KIF6: variants seen among roughly 807,000 people sequenced by gnomAD.
KIF6 encodes kinesin-like protein KIF6.
A neutral mutation model predicts 112.7 loss-of-function variants in KIF6; 106 were observed. The observed-to-expected ratio is 0.94, with a 90% CI of 0.80 to 1.11. The LOEUF is 1.11. Among genes scored for constraint, KIF6 ranks in the 50% least tolerant of loss-of-function variants. The pLI is 0.00. For missense variants in KIF6, 929 were observed against 964.0 expected (o/e 0.96, Z 0.48); for synonymous variants, 339 against 339.9 (o/e 1.00, Z 0.03).
intron 13 of KIF6, among the ~76,000 whole-genome samples, chr6:39,458,050 T>C (rs1034520480): frequency 1.3e-3 from 191 of 151,830 alleles, no homozygotes; most frequent in African/African-American, 4.1e-3. Context: ...ATACCAAAGC[T>C]GGGCAGAGAC....
intron 10 of KIF6, among the ~76,000 whole-genome samples, chr6:39,566,261 T>C (rs1780268764): frequency 6.6e-6 from 1 of 152,226 alleles, no homozygotes; most frequent in Non-Finnish European, 1.5e-5. Flanking sequence ...TCCACTTATA[T>C]ATATTACATC....
rs748241265 is a variant in KIF6, at chr6:39,540,240, A to G, written c.1427-19T>C. ...AGGATATCTGAAACTTGACTTAAGGATTTAATGCCTGATGCTAGCTTATAG... is the reference window on the plus strand; with the variant it reads ...AGGATATCTGAAACTTGACTTAAGGGTTTAATGCCTGATGCTAGCTTATAG... On this transcript the variant is annotated intron_variant, in intron 12 of 22. Coordinates refer to ENST00000287152, the MANE Select transcript of KIF6 (RefSeq NM_145027.6). 3 of 1,471,846 alleles carry G rather than the reference A, an allele frequency of 2.0e-6. No homozygotes were observed. The South Asian group carries it at 3.5e-5, about 17-fold the overall frequency. 91.2% of individuals were successfully genotyped at this position (1,471,846 alleles called of 1,614,324 possible).
intron 5 of KIF6, among the ~76,000 whole-genome samples, chr6:39,634,485 C>A (rs1383423685): frequency 1.3e-5 from 2 of 152,030 alleles, no homozygotes; most frequent in Non-Finnish European, 2.9e-5. Context: ...AATTTGAATA[C>A]CTTCTTCTCA....
At chr6:39,362,783 C>G (rs1246565776) in intron 16 of KIF6, among the ~76,000 whole-genome samples, 2 of 152,178 alleles carry the variant, frequency 1.3e-5, no homozygotes, top group Non-Finnish European at 2.9e-5. Context: ...AATCCTTTTA[C>G]TATTGAGCTC....
intron 13 of KIF6, among the ~76,000 whole-genome samples, chr6:39,506,744 C>T (rs567346263): frequency 6.6e-6 from 1 of 152,238 alleles, no homozygotes; most frequent in Non-Finnish European, 1.5e-5. Flanking sequence ...TCTTGGTGGG[C>T]TTCTGGATCA....
At chr6:39,626,728 G>A (rs1442367538) in intron 5 of KIF6, among the ~76,000 whole-genome samples, 1 of 152,162 alleles carries the variant, frequency 6.6e-6, no homozygotes, top group African/African-American at 2.4e-5. Context: ...TGAGGGAAGG[G>A]ATTCAGGCAA....
At chr6:39,648,786 G>A (rs527529365) in intron 3 of KIF6, among the ~76,000 whole-genome samples, 16 of 152,284 alleles carry the variant, frequency 1.1e-4, no homozygotes, top group Non-Finnish European at 1.6e-4. Flanking sequence ...AGGCCACTGT[G>A]AAGCATGTCC....
chr6:39,430,635 G>C lies in KIF6; in HGVS notation c.1754+418C>G, dbSNP rs140721862. On this transcript the variant is annotated intron_variant, in intron 14 of 22. Coordinates refer to ENST00000287152, the MANE Select transcript of KIF6 (RefSeq NM_145027.6). ...CAAAGGCTTCTGGGTCACAAGATGTGCACATATTTTCTTTGACTAAGACAG... is the reference window on the plus strand; with the variant it reads ...CAAAGGCTTCTGGGTCACAAGATGTCCACATATTTTCTTTGACTAAGACAG... Among the ~76,000 whole-genome samples the C allele has an allele frequency of 2.2e-3, 341 of 152,296 alleles. 1 individual carries two copies. Among genetic ancestry groups the C allele is most frequent in the African/African-American group, 7.5e-3 (313 of 41,558 alleles).
chr6:39,586,850 G>A (rs1781665129), intron 7 of KIF6, among the ~76,000 whole-genome samples: 1 of 152,162 alleles, frequency 6.6e-6, no homozygotes, highest in Non-Finnish European at 1.5e-5. Context: ...AGATTGTCTA[G>A]GTGCAAGTCC....
intron 15 of KIF6, among the ~76,000 whole-genome samples, chr6:39,390,535 G>A (rs150742377): frequency 6.6e-6 from 1 of 152,272 alleles, no homozygotes; most frequent in East Asian, 1.9e-4. Flanking sequence ...TTGGGACAGG[G>A]GCGGCAAGGG....
intron 15 of KIF6, among the ~76,000 whole-genome samples, chr6:39,387,680 T>C (rs1192830663): frequency 6.6e-6 from 1 of 152,120 alleles, no homozygotes; most frequent in Non-Finnish European, 1.5e-5. Context: ...CAGCCCCAAA[T>C]GGATCTTTTC....
At chr6:39,575,190 G>T (rs1028839965) in intron 10 of KIF6, among the ~76,000 whole-genome samples, 1 of 151,934 alleles carries the variant, frequency 6.6e-6, no homozygotes, top group African/African-American at 2.4e-5. Flanking sequence ...CATCTTTCCT[G>T]GACTCTCAGG....
At position 39,337,154 on chromosome 6, in the gene KIF6, CTTTTCTTTCTTTCCTTCCTTCTT is replaced by C. The variant is rs1184881122; in HGVS notation, c.2429-629_2429-607del. Among the ~76,000 whole-genome samples, 165 of 73,934 alleles carry C rather than the reference CTTTTCTTTCTTTCCTTCCTTCTT, an allele frequency of 2.2e-3. 13 individuals are homozygous for C. Among genetic ancestry groups the C allele is most frequent in the African/African-American group, 6.4e-3 (153 of 23,898 alleles). 48.5% of individuals were successfully genotyped at this position (73,934 alleles called of 152,430 possible). A position where few individuals can be genotyped will look rare whatever the true frequency, so the allele number is the denominator to read the frequency against. Reference sequence around the variant, plus strand: ...CTCCTTCCTTCCTTCCTTTCTCTTTCTTTTCTTTCTTTCCTTCCTTCTTTCTTTCTTTCTTTCTTTCTTTCTTT... The same window carrying C: ...CTCCTTCCTTCCTTCCTTTCTCTTTCTCTTTCTTTCTTTCTTTCTTTCTTT... On this transcript the variant is annotated intron_variant, in intron 22 of 22. Transcript: ENST00000287152.
At chr6:39,492,639 G>T (rs982979205) in intron 13 of KIF6, among the ~76,000 whole-genome samples, 8 of 152,190 alleles carry the variant, frequency 5.3e-5, no homozygotes, top group Non-Finnish European at 5.9e-5. Context: ...AGTGACTGTT[G>T]TGTGCCTCCC....
intron 19 of KIF6, chr6:39,353,912 G>A: frequency 2.3e-6 from 1 of 436,682 alleles, no homozygotes; most frequent in Non-Finnish European, 4.1e-6. Flanking sequence ...AGCTAAGTGT[G>A]ATGCCCAGAC....
intron 13 of KIF6, among the ~76,000 whole-genome samples, chr6:39,432,269 T>C (rs1771219741): frequency 6.6e-6 from 1 of 152,190 alleles, no homozygotes; most frequent in African/African-American, 2.4e-5. Flanking sequence ...TCAGCATACA[T>C]CTGTTAAATG....
At chr6:39,721,409 A>ATT (rs1790209403) in intron 1 of KIF6, among the ~76,000 whole-genome samples, 2 of 152,196 alleles carry the variant, frequency 1.3e-5, no homozygotes, top group Admixed American at 6.5e-5. Context: ...TCAGCCACTA[A>ATT]TTAGCAAGTG....
rs2150569522 is a variant in KIF6 at position 39,544,712 on chromosome 6, G to A, written c.1288-19C>T. On this transcript the variant is annotated intron_variant, in intron 11 of 22. Transcript: ENST00000287152. The stretch of plus-strand genomic sequence containing the variant: ...ATAGTTTCTGTAAGATAAAATAAGA[G>A]CTTAGTACCCATATCTCTAGTCCAA... 6.8e-7 allele frequency: 1 copy of A among 1,479,616 alleles called. No homozygotes were observed. The highest frequency in any genetic ancestry group is 2.1e-5 in the Admixed American group (1 of 48,290). The allele number at this position is 1,479,616 out of a possible 1,614,324, so 91.7% of individuals were successfully genotyped here. A position where few individuals can be genotyped will look rare whatever the true frequency, so the allele number is the denominator to read the frequency against.
At chr6:39,454,966 C>A (rs1772961947) in intron 13 of KIF6, among the ~76,000 whole-genome samples, 1 of 151,802 alleles carries the variant, frequency 6.6e-6, no homozygotes, top group Non-Finnish European at 1.5e-5. Context: ...ATTGCCCAGG[C>A]TTGCTTAGGT....
Sources: gnomAD v4.1 joint callset for allele counts (sites outside exome capture counted in the v4.1 genomes callset) on GRCh38, gnomAD v4.1.1 for gene constraint, MANE v1.5 for transcripts, NCBI Gene and HGNC (gene_info 2026-07-23, HGNC 2026-07-21) for gene names.